ANKS1B: variants seen among roughly 807,000 people sequenced by gnomAD.
The protein encoded by ANKS1B is ankyrin repeat and sterile alpha motif domain-containing protein 1B.
ANKS1B carries 36 observed loss-of-function variants against 148.3 expected under a neutral mutation model. That is an observed-to-expected ratio of 0.24 (90% CI 0.19 to 0.32). The LOEUF (loss-of-function observed/expected upper bound fraction) is 0.32, where lower values mean the gene tolerates loss of function less well. Among genes scored for constraint, ANKS1B ranks in the 10% least tolerant of loss-of-function variants. The pLI is 1.00. For missense variants in ANKS1B, 1,157 were observed against 1,542.6 expected (o/e 0.75, Z 4.19); for synonymous variants, 542 against 560.8 (o/e 0.97, Z 0.47).
At chr12:98,997,056 G>C (rs2099930121) in intron 17 of ANKS1B, among the ~76,000 whole-genome samples, 1 of 151,878 alleles carries the variant, frequency 6.6e-6, no homozygotes, top group Non-Finnish European at 1.5e-5. Flanking sequence ...CAAATGCAAG[G>C]ACTAGAACAA....
intron 4 of ANKS1B, among the ~76,000 whole-genome samples, chr12:99,801,768 T>TC (rs2066982949): frequency 6.6e-6 from 1 of 152,126 alleles, no homozygotes; most frequent in Non-Finnish European, 1.5e-5. Context: ...AAAATATTTG[T>TC]CAGAGTTCCC....
intron 25 of ANKS1B, among the ~76,000 whole-genome samples, chr12:98,772,085 T>C (rs1356213115): frequency 1.3e-5 from 2 of 152,166 alleles, no homozygotes; most frequent in Non-Finnish European, 2.9e-5. Flanking sequence ...GCATTCTAAG[T>C]TGAATGGAAG....
chr12:99,721,740 C>T (rs2058107237), intron 8 of ANKS1B, among the ~76,000 whole-genome samples: 2 of 152,210 alleles, frequency 1.3e-5, no homozygotes, highest in African/African-American at 2.4e-5. Flanking sequence ...GCGCATGAAA[C>T]TTGGTGAAGT....
At chr12:99,103,374 C>T (rs1298999099) in intron 15 of ANKS1B, among the ~76,000 whole-genome samples, 4 of 152,056 alleles carry the variant, frequency 2.6e-5, no homozygotes, top group South Asian at 2.1e-4. Context: ...TTGAGGTTAC[C>T]CATCATGAAC....
chr12:98,873,324 G>C (rs775885311), intron 17 of ANKS1B, among the ~76,000 whole-genome samples: 2 of 152,128 alleles, frequency 1.3e-5, no homozygotes, highest in African/African-American at 2.4e-5. Context: ...TCATGTATTT[G>C]ACACCTAAGA....
At chr12:99,730,530 G>A (rs1240672010) in intron 8 of ANKS1B, among the ~76,000 whole-genome samples, 2 of 152,170 alleles carry the variant, frequency 1.3e-5, no homozygotes, top group African/African-American at 4.8e-5. Flanking sequence ...TATCTCAGCA[G>A]TGCCAAACCC....
At chr12:99,483,969 CTT>C (rs1223493895) in intron 10 of ANKS1B, among the ~76,000 whole-genome samples, 10 of 151,598 alleles carry the variant, frequency 6.6e-5, no homozygotes, top group African/African-American at 1.4e-4. Flanking sequence ...TCATTAATCT[CTT>C]ATATTTATTT....
intron 17 of ANKS1B, among the ~76,000 whole-genome samples, chr12:98,897,906 T>C (rs2099767058): frequency 6.6e-6 from 1 of 152,216 alleles, no homozygotes; most frequent in African/African-American, 2.4e-5. Flanking sequence ...ATCATGTCTT[T>C]TGCAGCAACA....
At chr12:99,426,333 A>T (rs1265693502) in intron 11 of ANKS1B, among the ~76,000 whole-genome samples, 2 of 152,126 alleles carry the variant, frequency 1.3e-5, no homozygotes, top group Non-Finnish European at 2.9e-5. Flanking sequence ...CTGTTTTTTT[A>T]AATGGAAATT....
At chr12:98,749,021 C>A (rs1453832706) in intron 26 of ANKS1B, among the ~76,000 whole-genome samples, 1 of 152,220 alleles carries the variant, frequency 6.6e-6, no homozygotes, top group Non-Finnish European at 1.5e-5. Context: ...ATTTTGTCAT[C>A]CACAGATATT....
At chr12:99,460,672 A>ATGCAAATCATCACT (rs1293411079) in intron 10 of ANKS1B, among the ~76,000 whole-genome samples, 1 of 152,160 alleles carries the variant, frequency 6.6e-6, no homozygotes, top group East Asian at 1.9e-4. Flanking sequence ...ATGATCAGGG[A>ATGCAAATCATCACT]AATGCAAATC....
intron 12 of ANKS1B, among the ~76,000 whole-genome samples, chr12:99,392,719 C>T (rs1366734081): frequency 2.0e-5 from 3 of 152,274 alleles, no homozygotes; most frequent in Admixed American, 1.3e-4. Context: ...CACAACTATC[C>T]AGAGTTCAGA....
chr12:99,207,992 C>A (rs1177261374), intron 14 of ANKS1B, among the ~76,000 whole-genome samples: 2 of 151,966 alleles, frequency 1.3e-5, no homozygotes, highest in African/African-American at 4.8e-5. Context: ...GTATTAATAT[C>A]AAAAGTATAC....
exon 10 of ANKS1B, chr12:98,735,386 TA>T (rs2097768213): frequency 2.3e-6 from 1 of 430,904 alleles, no homozygotes; most frequent in African/African-American, 2.0e-5. Context: ...AATATGAATT[TA>T]AAAAATTTTT....
At chr12:99,697,721 C>T (rs1483905206) in intron 8 of ANKS1B, among the ~76,000 whole-genome samples, 1 of 151,896 alleles carries the variant, frequency 6.6e-6, no homozygotes, top group Non-Finnish European at 1.5e-5. Flanking sequence ...AGAGTAAAAC[C>T]CTATATAAAC....
At chr12:99,787,124 T>C (rs2065089052) in intron 4 of ANKS1B, among the ~76,000 whole-genome samples, 1 of 152,220 alleles carries the variant, frequency 6.6e-6, no homozygotes, top group Non-Finnish European at 1.5e-5. Flanking sequence ...TAGATTTTTT[T>C]AAGTACATAA....
chr12:99,919,498 T>C (rs1431650260), intron 1 of ANKS1B, among the ~76,000 whole-genome samples: 1 of 152,090 alleles, frequency 6.6e-6, no homozygotes, highest in Admixed American at 6.6e-5. Context: ...TGGAAATAAA[T>C]TGGAAGCTTG....
In ANKS1B at chr12:99,782,111, A is replaced by AG. The variant is rs1335128548; in HGVS notation, c.670-15dup. 5.1e-6 allele frequency: 8 copies of AG among 1,574,738 alleles called. No individual in the cohort carries two copies. The highest frequency in any genetic ancestry group is 3.3e-4 in the Middle Eastern group (2 of 5,988). ...CCCCTTTTCTGTCTGGAAAAAAAAA[A>AG]GTAAGAAAAAAGAAAGCACGGTTGC... is the stretch of plus-strand genomic sequence containing the variant. On this transcript the variant is annotated splice_polypyrimidine_tract_variant and intron_variant, in intron 4 of 26. Transcript: ENST00000683438.
rs548514252 is a variant in ANKS1B at position 99,731,889 on chromosome 12, C to T, written c.1128+41033G>A. ...AAATTAAAAGGCAAGCCAAAGACTA[C>T]GAGAATAACTTTAAAACCAGAAATC... On this transcript the variant is annotated intron_variant, in intron 8 of 26. Coordinates refer to ENST00000683438, the MANE Select transcript of ANKS1B (RefSeq NM_001352186.2). 8.0e-4 allele frequency among the ~76,000 whole-genome samples: 122 copies of T among 152,130 alleles called. 1 individual carries two copies. Among genetic ancestry groups the T allele is most frequent in the Non-Finnish European group, 1.2e-3 (81 of 67,992 alleles).
Sources: gnomAD v4.1 joint callset for allele counts (sites outside exome capture counted in the v4.1 genomes callset) on GRCh38, gnomAD v4.1.1 for gene constraint, MANE v1.5 for transcripts, NCBI Gene and HGNC (gene_info 2026-07-23, HGNC 2026-07-21) for gene names.